CSMD1: variants seen among roughly 807,000 people sequenced by gnomAD.
CSMD1 encodes CUB and sushi domain-containing protein 1.
CSMD1 carries 213 observed loss-of-function variants against 417.5 expected under a neutral mutation model. That is an observed-to-expected ratio of 0.51 (90% confidence interval 0.46 to 0.57). CSMD1 has a LOEUF of 0.57. Among genes scored for constraint, CSMD1 ranks in the 20% least tolerant of loss-of-function variants. CSMD1 has a pLI of 0.00. For synonymous variants in CSMD1, 2,862 were observed against 1,736.8 expected (o/e 1.65, Z -16.11); for missense variants, 6,923 against 4,529.7 (o/e 1.53, Z -15.17).
rs141576509 is a variant in CSMD1, at chr8:4,397,355, G to A, written c.415+22598C>T. 1.2e-3 allele frequency among the ~76,000 whole-genome samples: 186 copies of A among 152,172 alleles called. 1 individual carries two copies. The highest frequency in any genetic ancestry group is 4.2e-3 in the African/African-American group (175 of 41,542). ...TGAAGATTATCTTTCCATGAAAGAG[G>A]AAGTCGAAAAAGATATAATCTTAAG... On this transcript the variant is annotated intron_variant, in intron 3 of 69. Coordinates refer to ENST00000635120, the MANE Select transcript of CSMD1 (RefSeq NM_033225.6).
intron 3 of CSMD1, among the ~76,000 whole-genome samples, chr8:4,395,299 C>G (rs1318217612): frequency 6.6e-6 from 1 of 152,212 alleles, no homozygotes; most frequent in East Asian, 1.9e-4. Flanking sequence ...TTTGCTAATT[C>G]TTCATAACTT....
chr8:3,880,163 G>A (rs1331193654), intron 5 of CSMD1, among the ~76,000 whole-genome samples: 1 of 152,044 alleles, frequency 6.6e-6, no homozygotes, highest in Admixed American at 6.6e-5. Context: ...ATGGTACAGA[G>A]GAAATTGGAT....
intron 5 of CSMD1, among the ~76,000 whole-genome samples, chr8:3,972,637 T>A (rs544445301): frequency 6.6e-6 from 1 of 152,228 alleles, no homozygotes; most frequent in Non-Finnish European, 1.5e-5. Flanking sequence ...TTAAGTTAGT[T>A]TACATGTGAT....
chr8:3,501,840 G>T (rs143862545), intron 10 of CSMD1, among the ~76,000 whole-genome samples: 39 of 152,238 alleles, frequency 2.6e-4, no homozygotes, highest in African/African-American at 9.4e-4. Flanking sequence ...GGTTGTAAGG[G>T]CCAATCATAA....
intron 3 of CSMD1, among the ~76,000 whole-genome samples, chr8:4,254,135 T>G (rs948292287): frequency 1.3e-5 from 2 of 151,924 alleles, no homozygotes; most frequent in Admixed American, 6.6e-5. Flanking sequence ...GCCAGGGTGG[T>G]CTCCATCTCC....
At chr8:3,630,402 G>C (rs574972352) in intron 7 of CSMD1, among the ~76,000 whole-genome samples, 28 of 152,164 alleles carry the variant, frequency 1.8e-4, no homozygotes, top group Non-Finnish European at 3.8e-4. Context: ...AGTATTCAAA[G>C]ATCCGAAAAA....
chr8:4,404,444 G>T (rs534355715), intron 3 of CSMD1, among the ~76,000 whole-genome samples: 155 of 152,214 alleles, frequency 1.0e-3, no homozygotes, highest in African/African-American at 3.6e-3. Flanking sequence ...GTCAAGCAAC[G>T]AAAGTAATTT....
At chr8:3,940,459 ATAAT>A (rs914588819) in intron 5 of CSMD1, among the ~76,000 whole-genome samples, 3 of 151,912 alleles carry the variant, frequency 2.0e-5, no homozygotes, top group African/African-American at 7.3e-5. Context: ...ACCTTTCAAA[ATAAT>A]TCAGTATATT....
chr8:4,006,377 C>G (rs1585119778), intron 4 of CSMD1, among the ~76,000 whole-genome samples: 1 of 152,162 alleles, frequency 6.6e-6, no homozygotes, highest in African/African-American at 2.4e-5. Context: ...AACCCTGTCT[C>G]TACTAAAAAT....
chr8:4,154,640 A>C (rs2131068131), intron 3 of CSMD1, among the ~76,000 whole-genome samples: 1 of 152,324 alleles, frequency 6.6e-6, no homozygotes, highest in Admixed American at 6.5e-5. Context: ...AAGTTTTAAA[A>C]AAGGAATTGT....
chr8:3,698,766 T>A (rs927951073), intron 7 of CSMD1, among the ~76,000 whole-genome samples: 7 of 152,350 alleles, frequency 4.6e-5, no homozygotes, highest in African/African-American at 1.7e-4. Context: ...ATTATCCATA[T>A]GCGGACTAAT....
At chr8:4,068,189 G>A (rs1799357011) in intron 3 of CSMD1, among the ~76,000 whole-genome samples, 1 of 152,214 alleles carries the variant, frequency 6.6e-6, no homozygotes, top group Non-Finnish European at 1.5e-5. Context: ...AGGGGTGGCA[G>A]AAGGGCAGAA....
chr8:4,153,693 C>A (rs1190653836), intron 3 of CSMD1, among the ~76,000 whole-genome samples: 3 of 152,206 alleles, frequency 2.0e-5, no homozygotes, highest in Non-Finnish European at 4.4e-5. Flanking sequence ...CCGCTTCCAT[C>A]AATCCGGCAG....
intron 2 of CSMD1, among the ~76,000 whole-genome samples, chr8:4,592,645 C>T (rs990745998): frequency 2.0e-5 from 3 of 152,132 alleles, no homozygotes; most frequent in Admixed American, 6.6e-5. Flanking sequence ...TCTTGGCCTC[C>T]CAAAGTGCTA....
In CSMD1 at chr8:4,788,287, T is replaced by G. The variant is rs1797516229; in HGVS notation, c.86-150729A>C. 2.5e-6 allele frequency: 4 copies of G among 1,588,450 alleles called. No individual in the cohort carries two copies. The Admixed American group carries it at 5.2e-5, about 21-fold the overall frequency. On this transcript the variant is annotated intron_variant, in intron 1 of 69. Coordinates refer to ENST00000635120, the MANE Select transcript of CSMD1 (RefSeq NM_033225.6). ...AGGGATGGCATTCCTACTGTATTTG[T>G]GGCAGTGGCAGGCAGAAGTAATGGT...
chr8:4,943,433 T>A (rs1808154940), intron 1 of CSMD1, among the ~76,000 whole-genome samples: 1 of 151,704 alleles, frequency 6.6e-6, no homozygotes, highest in East Asian at 1.9e-4. Context: ...GAGGCGGAGC[T>A]TGCAGTGAGC....
At chr8:4,984,337 A>C (rs544967291) in intron 1 of CSMD1, among the ~76,000 whole-genome samples, 30 of 152,350 alleles carry the variant, frequency 2.0e-4, no homozygotes, top group African/African-American at 7.2e-4. Context: ...GCCTAACATA[A>C]GTTGCATATA....
chr8:4,895,963 A>G (rs1804453967), intron 1 of CSMD1, among the ~76,000 whole-genome samples: 1 of 151,836 alleles, frequency 6.6e-6, no homozygotes, highest in South Asian at 2.1e-4. Flanking sequence ...TTTCAGACCT[A>G]ATTTTCAATG....
intron 3 of CSMD1, among the ~76,000 whole-genome samples, chr8:4,177,591 G>A (rs1355679815): frequency 6.6e-6 from 1 of 151,264 alleles, no homozygotes; most frequent in African/African-American, 2.4e-5. Flanking sequence ...GAGCAGAACT[G>A]AAGGAAATAG....
Sources: allele counts gnomAD v4.1 joint callset (sites outside exome capture counted in the v4.1 genomes callset), GRCh38; gene constraint gnomAD v4.1.1; transcripts MANE v1.5; gene names NCBI Gene and HGNC (gene_info 2026-07-23, HGNC 2026-07-21).